Variants in TMEM87A observed in about 807,000 individuals in gnomAD.
The protein encoded by TMEM87A is Golgi-pH regulating cation channel.
In TMEM87A, 50 loss-of-function variants were observed where a neutral mutation model predicts 90.0. That is an observed-to-expected ratio of 0.56 (90% CI 0.44 to 0.70). The LOEUF is 0.70. Ranked by LOEUF, TMEM87A falls within the 30% of genes least tolerant of loss-of-function variation. TMEM87A has a pLI of 0.00. For synonymous variants in TMEM87A, 226 were observed against 226.7 expected, an observed-to-expected ratio of 1.00 and a Z score of 0.03; for missense variants, 577 against 660.5, an observed-to-expected ratio of 0.87 and a Z score of 1.39.
At chr15:42,264,772 AG>A (rs1167409448) in intron 3 of TMEM87A, among the ~76,000 whole-genome samples, 1 of 149,938 alleles carries the variant, frequency 6.7e-6, no homozygotes, top group Non-Finnish European at 1.5e-5. Context: ...CTGAACTCAC[AG>A]GGAACTGTTT....
rs1021813186 is a variant in TMEM87A, at chr15:42,245,519, ACT to A, written c.505-1354_505-1353del. ...CTCTGTTAAGCATATGACATTTATT[ACT>A]TTTTTTTTTTTTTTTTTTTTTGAGG... is the stretch of plus-strand genomic sequence containing the variant. On this transcript the variant is annotated intron_variant, in intron 6 of 19. Transcript: ENST00000389834. Among the ~76,000 whole-genome samples, 11 of 138,566 alleles carry A rather than the reference ACT, an allele frequency of 7.9e-5. 1 individual carries two copies. Among genetic ancestry groups the A allele is most frequent in the Middle Eastern group, 7.4e-3 (2 of 272 alleles). 90.9% of individuals were successfully genotyped at this position (138,566 alleles called of 152,430 possible).
chr15:42,219,964 C>T (rs2050445429), intron 16 of TMEM87A, 98 bp downstream of exon 16: 2 of 1,188,776 alleles, frequency 1.7e-6, no homozygotes, highest in South Asian at 3.2e-5. Context: ...CTTCATCCCA[C>T]ACCAAATATA....
In TMEM87A at chr15:42,248,796, CATAAA is replaced by C. The variant is rs577057877; in HGVS notation, c.505-4634_505-4630del. ...TTTGGTATCAGGATGATGCTGGCCTCATAAAATGAGTTAGGGAGGATTCCCTCTTT... is the reference window on the plus strand; with the variant it reads ...TTTGGTATCAGGATGATGCTGGCCTCATGAGTTAGGGAGGATTCCCTCTTT... On this transcript the variant is annotated intron_variant, in intron 6 of 19. Transcript: ENST00000389834. 2.5e-3 allele frequency among the ~76,000 whole-genome samples: 380 copies of C among 152,270 alleles called. 3 individuals are homozygous for C. The highest frequency in any genetic ancestry group is 7.8e-3 in the African/African-American group (323 of 41,552).
chr15:42,247,831 T>C (rs1038704232), intron 6 of TMEM87A, among the ~76,000 whole-genome samples: 27 of 152,280 alleles, frequency 1.8e-4, no homozygotes, highest in Non-Finnish European at 3.4e-4. Context: ...AGAAAGTCAT[T>C]GGTAGCTTGA....
At position 42,237,606 on chromosome 15, in the gene TMEM87A, C is replaced by T. The variant is rs1482669891; in HGVS notation, c.694G>A (p.Val232Met). 3.2e-6 allele frequency: 5 copies of T among 1,573,688 alleles called. No homozygotes were observed. The highest frequency in any genetic ancestry group is 4.3e-6 in the Non-Finnish European group (5 of 1,158,324). ...AACAGGACATATACAATACACATCA[C>T]CATGAAAAACTGTTATCAAATTGGG... ...EDYPLMIFFM[V>M]MCIVYVLFGV... The change falls in exon 9 of 20, where the codon GTG (valine) becomes ATG (methionine). Residue 232 changes from valine to methionine, a missense_variant. Val to Met is a conservative substitution (Grantham distance 21, BLOSUM62 1). Transcript: ENST00000389834.
intron 6 of TMEM87A, among the ~76,000 whole-genome samples, chr15:42,247,646 A>G (rs966917140): frequency 2.0e-5 from 3 of 152,008 alleles, no homozygotes; most frequent in African/African-American, 7.3e-5. Context: ...ATTGGTCTAT[A>G]TGTCTGTTTT....
chr15:42,227,651 A>G (rs1232726599), intron 14 of TMEM87A, 60 bp downstream of exon 14: 22 of 1,487,740 alleles, frequency 1.5e-5, no homozygotes, highest in Non-Finnish European at 2.0e-5. Flanking sequence ...TACCACTGTC[A>G]TCAACACCAT....
At chr15:42,237,192 T>C (rs2050785133) in intron 9 of TMEM87A, among the ~76,000 whole-genome samples, 1 of 152,186 alleles carries the variant, frequency 6.6e-6, no homozygotes, top group Non-Finnish European at 1.5e-5. Flanking sequence ...TTAATAATCA[T>C]TCCCAAAATG....
chr15:42,232,007 T>C (rs2050693960), intron 11 of TMEM87A: 1 of 608,518 alleles, frequency 1.6e-6, no homozygotes, highest in South Asian at 2.9e-5. Context: ...ACAGTGTGAT[T>C]TGAAAAGCAA....
rs141414167 is a variant in TMEM87A at position 42,237,466 on chromosome 15, C to T, written c.834G>A (p.Ala278=). 84 of 1,613,744 alleles carry T rather than the reference C, an allele frequency of 5.2e-5. No individual in the cohort carries two copies. The highest frequency in any genetic ancestry group is 6.6e-5 in the Non-Finnish European group (78 of 1,179,970). The part of the protein sequence containing the change: ...LGMLEKAVFY[A]EFQNIRYKGE... ...CTTTGTATCGGATATTCTGAAATTC[C>T]GCATAGAAGACAGCTTTCTCAAGCA... The change falls in exon 9 of 20, where the codon GCG becomes GCA. Residue 278 remains alanine (A), a synonymous_variant. Transcript: ENST00000389834.
chr15:42,258,805 T>A, intron 6 of TMEM87A: 1 of 1,456,212 alleles, frequency 6.9e-7, no homozygotes, highest in South Asian at 1.5e-5. Context: ...TCTGTACAAA[T>A]AAAACTGGGG....
chr15:42,226,579 C>T (rs936653849), intron 15 of TMEM87A: 64 of 451,616 alleles, frequency 1.4e-4, no homozygotes, highest in Non-Finnish European at 4.3e-5. Flanking sequence ...GGTTTAATTC[C>T]CCCTCAGTAT....
Position 42,239,693 on chromosome 15 carries a change from G to A in TMEM87A, c.661C>T (p.Leu221Phe), listed in dbSNP as rs762139435. The change falls in exon 8 of 20, where the codon CTT becomes TTT. Residue 221 changes from leucine to phenylalanine, a missense_variant. Leu to Phe is a conservative substitution (Grantham distance 22). Coordinates refer to ENST00000389834, the MANE Select transcript of TMEM87A (RefSeq NM_015497.5). The part of the protein sequence containing the change: ...EVKGPYEYLT[L>F]EDYPLMIFFM... ...ACAATCATCAAGGGATAGTCTTCAA[G>A]TGTGAGGTATTCATAGGGACCCTTC... 6.2e-7 allele frequency: 1 copy of A among 1,613,922 alleles called. No individual in the cohort carries two copies.
At chr15:42,242,458 T>C (rs571903988) in intron 7 of TMEM87A, among the ~76,000 whole-genome samples, 1 of 150,952 alleles carries the variant, frequency 6.6e-6, no homozygotes, top group African/African-American at 2.4e-5. Context: ...CTTGAGACTA[T>C]AATCCATTAG....
chr15:42,259,325 G>C (rs1017942745), intron 6 of TMEM87A, among the ~76,000 whole-genome samples: 3 of 152,092 alleles, frequency 2.0e-5, no homozygotes, highest in Admixed American at 6.5e-5. Context: ...GTTTCACCAC[G>C]TTGGCCAGGC....
chr15:42,224,871 G>A (rs981080551), intron 15 of TMEM87A, among the ~76,000 whole-genome samples: 1 of 152,096 alleles, frequency 6.6e-6, no homozygotes, highest in Non-Finnish European at 1.5e-5. Flanking sequence ...CACAGAGAAA[G>A]GGGGCAATGT....
chr15:42,255,505 C>T (rs969942155), intron 6 of TMEM87A, among the ~76,000 whole-genome samples: 1 of 152,032 alleles, frequency 6.6e-6, no homozygotes, highest in African/African-American at 2.4e-5. Flanking sequence ...TTCAAGTGAT[C>T]CTCCCACCCT....
chr15:42,216,469 A>G (rs2050385293), intron 19 of TMEM87A, among the ~76,000 whole-genome samples: 1 of 152,242 alleles, frequency 6.6e-6, no homozygotes, highest in South Asian at 2.1e-4. Context: ...GGCTGAACTC[A>G]GTGCCACCAA....
intron 7 of TMEM87A, among the ~76,000 whole-genome samples, chr15:42,243,510 TA>T (rs1238879947): frequency 1.2e-4 from 18 of 145,424 alleles, no homozygotes; most frequent in African/African-American, 4.5e-4. Flanking sequence ...CAATGTTAAT[TA>T]ATTTTTTTTT....
Sources: gnomAD v4.1 joint callset for allele counts (sites outside exome capture counted in the v4.1 genomes callset) on GRCh38, gnomAD v4.1.1 for gene constraint, MANE v1.5 for transcripts, NCBI Gene and HGNC (gene_info 2026-07-23, HGNC 2026-07-21) for gene names.